The following SRGAP3 variants were observed in gnomAD, a reference collection of about 807,000 sequenced individuals.
SRGAP3 encodes the protein SLIT-ROBO Rho GTPase-activating protein 3.
A neutral mutation model predicts 121.1 loss-of-function variants in SRGAP3; 39 were observed. The observed-to-expected ratio is 0.32, with a 90% CI of 0.25 to 0.42. SRGAP3 has a LOEUF of 0.42. Among genes scored for constraint, SRGAP3 ranks in the 10% least tolerant of loss-of-function variants. SRGAP3 has a pLI of 1.00. For missense variants in SRGAP3, 1,213 were observed against 1,470.6 expected (o/e 0.82, Z 2.86); for synonymous variants, 601 against 570.0 (o/e 1.05, Z -0.77).
chr3:9,121,719 A>C (rs1949011690), intron 2 of SRGAP3, among the ~76,000 whole-genome samples: 1 of 152,174 alleles, frequency 6.6e-6, no homozygotes, highest in Non-Finnish European at 1.5e-5. Flanking sequence ...CCATATCCAC[A>C]ATCCCTGCCT....
intron 3 of SRGAP3, among the ~76,000 whole-genome samples, chr3:9,288,130 G>GTTTTTTTTTTTTTTT: frequency 8.4e-6 from 1 of 119,100 alleles, no homozygotes; most frequent in Non-Finnish European, 1.7e-5. Context: ...TTCTATCTTT[G>GTTTTTTTTTTTTTTT]TTTTTTTTTT....
chr3:9,024,716 C>T (rs554845086), intron 14 of SRGAP3, among the ~76,000 whole-genome samples: 5 of 152,256 alleles, frequency 3.3e-5, no homozygotes, highest in South Asian at 2.1e-4. Context: ...ATCTCTTCCC[C>T]GCAATGTGTG....
chr3:9,243,128 T>C (rs956393014), intron 1 of SRGAP3, among the ~76,000 whole-genome samples: 4 of 152,168 alleles, frequency 2.6e-5, no homozygotes, highest in Non-Finnish European at 4.4e-5. Context: ...TTAAGGATTA[T>C]AAGGTTTGGA....
chr3:9,325,773 AGTTATTCATGT>A (rs1955507782), intron 3 of SRGAP3, among the ~76,000 whole-genome samples: 1 of 151,992 alleles, frequency 6.6e-6, no homozygotes, highest in African/African-American at 2.4e-5. Flanking sequence ...TAAAGTATAA[AGTTATTCATGT>A]ATAAGGCTGG....
At chr3:9,312,809 AC>A (rs1955272283) in intron 3 of SRGAP3, among the ~76,000 whole-genome samples, 2 of 151,998 alleles carry the variant, frequency 1.3e-5, no homozygotes, top group South Asian at 4.1e-4. Flanking sequence ...ACATAGCGAG[AC>A]CCTGTCTCTT....
At chr3:9,127,192 C>T (rs1053925781) in intron 1 of SRGAP3, among the ~76,000 whole-genome samples, 1 of 151,996 alleles carries the variant, frequency 6.6e-6, no homozygotes, top group Non-Finnish European at 1.5e-5. Context: ...TTTAAATTAG[C>T]CAGGTGTGGT....
At chr3:9,084,268 G>A (rs914555873) in intron 3 of SRGAP3, among the ~76,000 whole-genome samples, 2 of 152,152 alleles carry the variant, frequency 1.3e-5, no homozygotes, top group African/African-American at 2.4e-5. Flanking sequence ...TCCTCCAGGA[G>A]AGTTCTTCAA....
intron 19 of SRGAP3, 74 bp downstream of exon 19, chr3:8,994,269 C>A: frequency 1.3e-6 from 2 of 1,592,604 alleles, no homozygotes; most frequent in Non-Finnish European, 1.7e-6. Context: ...CAAGCTAGCA[C>A]TCCCCTACGG....
At chr3:9,085,702 A>T (rs1947434546) in intron 3 of SRGAP3, among the ~76,000 whole-genome samples, 1 of 152,226 alleles carries the variant, frequency 6.6e-6, no homozygotes, top group African/African-American at 2.4e-5. Context: ...TAGCAAACTA[A>T]CACAGTAACA....
At chr3:9,142,326 T>C (rs768486048) in intron 1 of SRGAP3, among the ~76,000 whole-genome samples, 2 of 152,290 alleles carry the variant, frequency 1.3e-5, no homozygotes, top group Non-Finnish European at 2.9e-5. Flanking sequence ...GCTCACACAT[T>C]CACTAACTGT....
intron 1 of SRGAP3, among the ~76,000 whole-genome samples, chr3:9,336,704 G>C (rs1325954597): frequency 6.6e-6 from 1 of 152,048 alleles, no homozygotes; most frequent in African/African-American, 2.4e-5. Context: ...TCTTAGCTGG[G>C]GCAGAAGATA....
chr3:9,275,646 G>T (rs1212618885), intron 3 of SRGAP3, among the ~76,000 whole-genome samples: 3 of 152,106 alleles, frequency 2.0e-5, no homozygotes, highest in African/African-American at 7.2e-5. Flanking sequence ...TTTATAAGGG[G>T]TTTCTTTCCC....
chr3:9,257,836 C>A (rs1954167409), intron 3 of SRGAP3, among the ~76,000 whole-genome samples: 2 of 150,030 alleles, frequency 1.3e-5, no homozygotes, highest in Non-Finnish European at 1.5e-5. Flanking sequence ...TCCTGAGTAG[C>A]TGGGATTACA....
intron 1 of SRGAP3, among the ~76,000 whole-genome samples, chr3:9,138,732 T>C (rs1949750384): frequency 6.6e-6 from 1 of 152,154 alleles, no homozygotes. Context: ...AAAACTTAGA[T>C]ACACAACGCA....
At chr3:9,291,211 G>T (rs1453373808) in intron 3 of SRGAP3, among the ~76,000 whole-genome samples, 1 of 152,144 alleles carries the variant, frequency 6.6e-6, no homozygotes, top group Non-Finnish European at 1.5e-5. Flanking sequence ...GTGATGAAAA[G>T]CATCTCAATG....
intron 1 of SRGAP3, among the ~76,000 whole-genome samples, chr3:9,140,122 T>TACATAC (rs1553676293): frequency 7.1e-6 from 1 of 140,010 alleles, no homozygotes; most frequent in Non-Finnish European, 1.6e-5. Context: ...CTCAGAGGCA[T>TACATAC]ACACACACAC....
intron 14 of SRGAP3, among the ~76,000 whole-genome samples, chr3:9,021,423 TTC>T (rs1234139501): frequency 6.6e-6 from 1 of 152,096 alleles, no homozygotes; most frequent in Non-Finnish European, 1.5e-5. Context: ...GTGTTTTTTT[TTC>T]TCTCTCTCCT....
In SRGAP3 at chr3:9,283,424, G is replaced by A. The variant is rs74831580; in HGVS notation, n.442+42586C>T. On this transcript the variant is annotated intron_variant and non_coding_transcript_variant, in intron 3 of 3. Transcript: ENST00000490889. ...AAATATTGGCTCACTGAATTATGCA[G>A]ATCTTCCAAACACTGTCACATTTTA... 1.4e-3 allele frequency among the ~76,000 whole-genome samples: 206 copies of A among 152,296 alleles called. 7 individuals carry two copies. In the East Asian group the frequency reaches 0.031, roughly 23 times the overall value.
chr3:9,356,417 G>C (rs552188880), intron 1 of SRGAP3, among the ~76,000 whole-genome samples: 1 of 130,008 alleles, frequency 7.7e-6, no homozygotes, highest in East Asian at 2.4e-4. Context: ...CTATCGCCCA[G>C]GCTGGAGTGC....
Sources: allele counts gnomAD v4.1 joint callset (sites outside exome capture counted in the v4.1 genomes callset), GRCh38; gene constraint gnomAD v4.1.1; transcripts MANE v1.5; gene names NCBI Gene and HGNC (gene_info 2026-07-23, HGNC 2026-07-21).